The following CES5A variants were observed in gnomAD, a reference collection of about 807,000 sequenced individuals.
CES5A encodes carboxylesterase 5A, also known as carboxylesterase 5.
In CES5A, 67 loss-of-function variants were observed where a neutral mutation model predicts 62.9. The observed-to-expected ratio is 1.07, with a 90% CI of 0.88 to 1.31. The LOEUF is 1.31. Among genes scored for constraint, CES5A ranks in the 50% most tolerant of loss-of-function variants. The pLI is 0.00. For synonymous variants in CES5A, 296 were observed against 280.8 expected (o/e 1.05, Z -0.54); for missense variants, 748 against 708.5 (o/e 1.06, Z -0.63).
At chr16:55,890,766 T>C (rs1246239939) in intron 1 of CES5A, among the ~76,000 whole-genome samples, 1 of 152,118 alleles carries the variant, frequency 6.6e-6, no homozygotes. Flanking sequence ...GTCATGCTCT[T>C]GTGAACTCCA....
intron 2 of CES5A, chr16:55,944,085 T>G (rs1487037715): frequency 2.0e-5 from 14 of 702,008 alleles, no homozygotes; most frequent in Non-Finnish European, 3.4e-5. Context: ...CCAGGATAAA[T>G]CATCTTCCAT....
chr16:55,951,353 G>T (rs1369593008), intron 1 of CES5A, among the ~76,000 whole-genome samples: 1 of 151,996 alleles, frequency 6.6e-6, no homozygotes, highest in African/African-American at 2.4e-5. Flanking sequence ...AATATTTTTT[G>T]CTGGGAGGAT....
intron 2 of CES5A, 137 bp downstream of exon 2, chr16:55,873,696 T>C: frequency 1.3e-6 from 1 of 770,370 alleles, no homozygotes; most frequent in Non-Finnish European, 2.1e-6. Context: ...ACCAAACCAC[T>C]CGCCCGAGTC....
intron 1 of CES5A, chr16:55,925,268 C>T (rs1224818183): frequency 1.3e-5 from 2 of 151,926 alleles, no homozygotes; most frequent in Admixed American, 6.6e-5. Context: ...CAATGTTCAA[C>T]ATCACTAATC....
At chr16:55,898,117 T>C (rs541997149) in intron 1 of CES5A, among the ~76,000 whole-genome samples, 1 of 152,356 alleles carries the variant, frequency 6.6e-6, no homozygotes, top group East Asian at 1.9e-4. Flanking sequence ...TTGATCTGTG[T>C]CATGTGGCTA....
At position 55,905,730 on chromosome 16, in the gene CES5A, T is replaced by A. The variant is rs79233993; in HGVS notation, c.-256+19593A>T. 4.9e-4 allele frequency among the ~76,000 whole-genome samples: 75 copies of A among 152,262 alleles called. 1 individual carries two copies. The East Asian group carries it at 0.014, about 29-fold the overall frequency. On this transcript the variant is annotated intron_variant, in intron 1 of 12. Coordinates refer to the CES5A transcript ENST00000518005. The stretch of plus-strand genomic sequence containing the variant: ...AGCCCCAGTTTCCCCAGGAAAACAC[T>A]GTCCTGGTTCCTCTGAGCTCTGCAA...
At chr16:55,928,068 C>A (rs537031182), upstream of CES5A, among the ~76,000 whole-genome samples, 2 of 152,184 alleles carry the variant, frequency 1.3e-5, no homozygotes, top group African/African-American at 4.8e-5. Context: ...ACGGTGAAAC[C>A]CCGTCTCTAC....
At chr16:55,889,320 T>A (rs1317455659) in intron 1 of CES5A, among the ~76,000 whole-genome samples, 1 of 152,066 alleles carries the variant, frequency 6.6e-6, no homozygotes, top group South Asian at 2.1e-4. Flanking sequence ...ATCCCACAGG[T>A]TGGGGGCTCA....
At chr16:55,901,169 T>C (rs141988328) in intron 1 of CES5A, among the ~76,000 whole-genome samples, 1 of 152,288 alleles carries the variant, frequency 6.6e-6, no homozygotes, top group East Asian at 1.9e-4. Context: ...TCTCACAAGA[T>C]CTGATGGTTT....
chr16:55,955,539 A>C (rs1325364234), intron 1 of CES5A, among the ~76,000 whole-genome samples: 6 of 152,194 alleles, frequency 3.9e-5, no homozygotes. Flanking sequence ...CATTACCCAC[A>C]ATAAATTTCA....
At chr16:55,908,324 A>C (rs1396668023) in intron 1 of CES5A, among the ~76,000 whole-genome samples, 1 of 151,248 alleles carries the variant, frequency 6.6e-6, no homozygotes, top group Non-Finnish European at 1.5e-5. Flanking sequence ...CTTGTCCTAT[A>C]GTGTCTTCTC....
chr16:55,874,959 G>A (rs549498925), intron 1 of CES5A, among the ~76,000 whole-genome samples, 190 bp downstream of exon 1: 2 of 152,302 alleles, frequency 1.3e-5, no homozygotes, highest in African/African-American at 2.4e-5. Context: ...TCTTCTGTGC[G>A]CTACCCACTC....
intron 1 of CES5A, among the ~76,000 whole-genome samples, chr16:55,916,642 C>T (rs2034151109): frequency 6.6e-6 from 1 of 152,228 alleles, no homozygotes; most frequent in African/African-American, 2.4e-5. Context: ...CTAACACCAC[C>T]CTCTACTCAG....
At chr16:55,859,909 T>G (rs1170271304) in intron 7 of CES5A, among the ~76,000 whole-genome samples, 12 of 152,236 alleles carry the variant, frequency 7.9e-5, no homozygotes, top group African/African-American at 2.7e-4. Flanking sequence ...TGTGCCTTAT[T>G]TTCTCATCTG....
rs529979764 is a variant in CES5A at position 55,941,409 on chromosome 16, A to G, written c.160+8376T>C. ...AATACCCCTCCAAAAAGTGAAATAC[A>G]TATATAAGACCTGTATGCTGAAAAC... On this transcript the variant is annotated intron_variant, in intron 2 of 13. Coordinates refer to the CES5A transcript ENST00000521992. Among the ~76,000 whole-genome samples the G allele has an allele frequency of 4.6e-5, 7 of 152,234 alleles. No individual in the cohort carries two copies. The South Asian group carries it at 1.2e-3, about 27-fold the overall frequency.
At chr16:55,920,515 C>A (rs534326885) in intron 1 of CES5A, among the ~76,000 whole-genome samples, 5 of 152,098 alleles carry the variant, frequency 3.3e-5, no homozygotes, top group Admixed American at 6.5e-5. Context: ...CCTTTGAGAC[C>A]CCCCCATTCA....
intron 8 of CES5A, 135 bp downstream of exon 8, chr16:55,859,410 AGG>A: frequency 3.9e-6 from 3 of 765,886 alleles, no homozygotes; most frequent in Non-Finnish European, 6.4e-6. Context: ...GAGAGAGTAA[AGG>A]TGATCACTGT....
exon 1 of CES5A, chr16:55,956,022 G>T: frequency 1.1e-6 from 1 of 908,262 alleles, no homozygotes; most frequent in Non-Finnish European, 1.7e-6. Context: ...TTCCTCTACC[G>T]TTGCCAGCTG....
At chr16:55,894,029 G>A (rs1416237233) in intron 1 of CES5A, among the ~76,000 whole-genome samples, 11 of 152,082 alleles carry the variant, frequency 7.2e-5, no homozygotes, top group African/African-American at 2.7e-4. Context: ...AATAAGAATG[G>A]TGTCTATTTT....
Sources: gnomAD v4.1 joint callset for allele counts (sites outside exome capture counted in the v4.1 genomes callset) on GRCh38, gnomAD v4.1.1 for gene constraint, MANE v1.5 for transcripts, NCBI Gene and HGNC (gene_info 2026-07-23, HGNC 2026-07-21) for gene names.